CEP162: variants seen among roughly 807,000 people sequenced by gnomAD.
The protein encoded by CEP162 is centrosomal protein of 162 kDa.
CEP162 carries 141 observed loss-of-function variants against 169.2 expected under a neutral mutation model. That is an observed-to-expected ratio of 0.83 (90% CI 0.73 to 0.96). The LOEUF (loss-of-function observed/expected upper bound fraction) is 0.96. CEP162 is among the 40% of genes least tolerant of loss of function. The pLI is 0.00. For missense variants in CEP162, 1,600 were observed against 1,587.2 expected, an observed-to-expected ratio of 1.01 and a Z score of -0.14; for synonymous variants, 540 against 526.4, an observed-to-expected ratio of 1.03 and a Z score of -0.35.
At chr6:84,159,523 T>TATATATATATATATATATATATATATA (rs1554166778) in intron 21 of CEP162, among the ~76,000 whole-genome samples, 1 of 37,138 alleles carries the variant, frequency 2.7e-5, no homozygotes, top group Non-Finnish European at 4.7e-5. Flanking sequence ...AATTAATTAT[T>TATATATATATATATATATATATATATA]TATATATATA....
chr6:84,202,108 A>G (rs559291100), intron 7 of CEP162, among the ~76,000 whole-genome samples: 6 of 152,306 alleles, frequency 3.9e-5, no homozygotes, highest in African/African-American at 1.4e-4. Flanking sequence ...TAACAGAGCT[A>G]TTTCACACAA....
intron 2 of CEP162, among the ~76,000 whole-genome samples, chr6:84,224,593 A>G (rs2099554981): frequency 6.6e-6 from 1 of 152,242 alleles, no homozygotes; most frequent in African/African-American, 2.4e-5. Flanking sequence ...CCTAAAAAAT[A>G]AAGATATATA....
chr6:84,194,379 A>C (rs1028686456), intron 10 of CEP162, among the ~76,000 whole-genome samples: 1 of 151,734 alleles, frequency 6.6e-6, no homozygotes, highest in Non-Finnish European at 1.5e-5. Context: ...AAAAGAAAAG[A>C]AAGTGAAATT....
intron 10 of CEP162, 83 bp from the exon 11 acceptor site, chr6:84,193,773 T>C (rs1424852794): frequency 5.6e-6 from 4 of 711,720 alleles, no homozygotes; most frequent in Non-Finnish European, 9.2e-6. Flanking sequence ...AAAATTATAT[T>C]TTCTCTGACA....
rs201286608 is a variant in CEP162, at chr6:84,171,768, T to C, written c.2167-50A>G. 30 of 702,414 alleles carry C rather than the reference T, an allele frequency of 4.3e-5. No homozygotes were observed. The African/African-American group carries it at 4.3e-4, about 10-fold the overall frequency. 43.5% of individuals were successfully genotyped at this position (702,414 alleles called of 1,614,324 possible). A position where few individuals can be genotyped will look rare whatever the true frequency, so the allele number is the denominator to read the frequency against. On this transcript the variant is annotated intron_variant, in intron 16 of 26. Transcript: ENST00000403245. ...TTTAGTTAAAAGTCATTAGTACTTA[T>C]ATAACATAATATATGTGCTCATAAT... is the stretch of plus-strand genomic sequence containing the variant.
chr6:84,181,053 C>T (rs918173912), intron 13 of CEP162, among the ~76,000 whole-genome samples: 1 of 152,174 alleles, frequency 6.6e-6, no homozygotes. Flanking sequence ...CAAGACAATC[C>T]TAAGCAAAAA....
intron 18 of CEP162, among the ~76,000 whole-genome samples, chr6:84,163,692 G>T (rs531990337): frequency 6.6e-6 from 1 of 151,906 alleles, no homozygotes; most frequent in African/African-American, 2.4e-5. Context: ...CTGGCCAGGC[G>T]TGGTGGCTCA....
At chr6:84,138,836 T>C (rs904018374) in intron 25 of CEP162, among the ~76,000 whole-genome samples, 7 of 152,232 alleles carry the variant, frequency 4.6e-5, no homozygotes, top group African/African-American at 1.7e-4. Flanking sequence ...TTAGTGCTTA[T>C]GTTAACAAAG....
intron 7 of CEP162, among the ~76,000 whole-genome samples, chr6:84,203,682 G>T (rs2099545562): frequency 6.6e-6 from 1 of 152,102 alleles, no homozygotes; most frequent in Non-Finnish European, 1.5e-5. Context: ...GAGCTCGTGG[G>T]CTCGAACAGT....
At chr6:84,137,927 T>C (rs1446815522) in intron 25 of CEP162, among the ~76,000 whole-genome samples, 1 of 152,186 alleles carries the variant, frequency 6.6e-6, no homozygotes, top group East Asian at 1.9e-4. Flanking sequence ...GACATAATTT[T>C]AAAAGATGTG....
chr6:84,143,971 G>GC (rs1284021405), intron 25 of CEP162, among the ~76,000 whole-genome samples: 1 of 151,886 alleles, frequency 6.6e-6, no homozygotes, highest in Non-Finnish European at 1.5e-5. Context: ...TTCTGTATTT[G>GC]CCTTTAGAAT....
At chr6:84,187,937 G>C (rs2099537950) in intron 11 of CEP162, among the ~76,000 whole-genome samples, 3 of 152,236 alleles carry the variant, frequency 2.0e-5, no homozygotes, top group Middle Eastern at 3.4e-3. Flanking sequence ...AAGGAATCTA[G>C]AAACTCTGGA....
chr6:84,202,324 C>T (rs961878952), intron 7 of CEP162, among the ~76,000 whole-genome samples: 1 of 152,032 alleles, frequency 6.6e-6, no homozygotes, highest in Non-Finnish European at 1.5e-5. Flanking sequence ...ATACCTCCTA[C>T]TTGGGTAGGC....
At chr6:84,126,331 C>T (rs2099508931) in intron 26 of CEP162, 47 bp downstream of exon 26, 3 of 1,398,706 alleles carry the variant, frequency 2.1e-6, no homozygotes, top group Non-Finnish European at 2.8e-6. Flanking sequence ...ATTAAAGGCA[C>T]TTAAAAGTAA....
intron 25 of CEP162, 142 bp from the exon 26 acceptor site, chr6:84,126,654 T>G (rs2099509039): frequency 5.4e-6 from 3 of 553,040 alleles, no homozygotes; most frequent in African/African-American, 2.0e-5. Context: ...TAGCTTTCAT[T>G]CTCTATATCC....
intron 6 of CEP162, among the ~76,000 whole-genome samples, chr6:84,206,673 G>A (rs2099547259): frequency 6.6e-6 from 1 of 152,152 alleles, no homozygotes; most frequent in Non-Finnish European, 1.5e-5. Context: ...AGGACTTCAT[G>A]TCTAAAACAC....
intron 18 of CEP162, among the ~76,000 whole-genome samples, chr6:84,165,845 G>T (rs550602530): frequency 2.6e-5 from 4 of 152,336 alleles, no homozygotes; most frequent in African/African-American, 9.6e-5. Flanking sequence ...CTGCATCGCA[G>T]ATTTAACTGC....
intron 16 of CEP162, among the ~76,000 whole-genome samples, chr6:84,172,539 C>T (rs6916025): frequency 0.061 from 9,232 of 152,228 alleles, 913 homozygotes; most frequent in African/African-American, 0.21. Flanking sequence ...TTTCCCCCTA[C>T]TATTTAGACA....
intron 8 of CEP162, 70 bp downstream of exon 8, chr6:84,201,667 A>C (rs1376897426): frequency 3.9e-6 from 3 of 767,388 alleles, no homozygotes; most frequent in Non-Finnish European, 6.4e-6. Context: ...ACTCATTCAG[A>C]ATTACTGAGA....
Sources: gnomAD v4.1 joint callset for allele counts (sites outside exome capture counted in the v4.1 genomes callset) on GRCh38, gnomAD v4.1.1 for gene constraint, MANE v1.5 for transcripts, NCBI Gene and HGNC (gene_info 2026-07-23, HGNC 2026-07-21) for gene names.